KIF3B: variants seen among roughly 807,000 people sequenced by gnomAD.
The protein encoded by KIF3B is kinesin-like protein KIF3B.
In KIF3B, 38 loss-of-function variants were observed where a neutral mutation model predicts 74.3. That is an observed-to-expected ratio of 0.51 (90% CI 0.39 to 0.67). KIF3B has a LOEUF of 0.67. KIF3B is among the 30% of genes least tolerant of loss of function. The probability of loss-of-function intolerance (pLI) is 0.00; values close to 1 mark genes in which losing one functional copy is unlikely to be tolerated. For missense variants in KIF3B, 649 were observed against 932.0 expected, an observed-to-expected ratio of 0.70 and a Z score of 3.95; for synonymous variants, 326 against 342.5, an observed-to-expected ratio of 0.95 and a Z score of 0.53.
At chr20:32,328,757 T>C (rs2047916236) in intron 7 of KIF3B, among the ~76,000 whole-genome samples, 1 of 152,110 alleles carries the variant, frequency 6.6e-6, no homozygotes, top group Non-Finnish European at 1.5e-5. Context: ...GATGGACCTG[T>C]CGTAAAGAAC....
Position 32,330,201 on chromosome 20 carries a change from G to A in KIF3B, c.2029G>A (p.Gly677Ser). 6.2e-7 allele frequency: 1 copy of A among 1,614,126 alleles called. No individual in the cohort carries two copies. Among genetic ancestry groups the A allele is most frequent in the African/African-American group, 1.3e-5 (1 of 75,032 alleles). The change falls in exon 8 of 9, where the codon GGT (glycine) becomes AGT (serine). Residue 677 changes from glycine (G) to serine (S), a missense_variant. Coordinates refer to ENST00000375712, the MANE Select transcript of KIF3B (RefSeq NM_004798.4). The stretch of plus-strand genomic sequence containing the variant: ...CAGCCGGACCACCAGAGACTATGAG[G>A]GTCCAGCCATTGCCCCCAAGGTCCA... ...MPSRTTRDYE[G>S]PAIAPKVQAA...
At chr20:32,289,918 GTC>G (rs1396331483) in intron 1 of KIF3B, among the ~76,000 whole-genome samples, 1 of 152,136 alleles carries the variant, frequency 6.6e-6, no homozygotes. Context: ...CCCTGTCTAA[GTC>G]TCTGTTTTTT....
At position 32,316,667 on chromosome 20, in the gene KIF3B, C is replaced by T. The variant is rs767559376; in HGVS notation, c.1629+18C>T. 6.2e-7 allele frequency: 1 copy of T among 1,614,042 alleles called. No homozygotes were observed. Among genetic ancestry groups the T allele is most frequent in the South Asian group, 1.1e-5 (1 of 91,080 alleles). On this transcript the variant is annotated intron_variant, in intron 4 of 8. Transcript: ENST00000375712. ...TCAAAAAGGTATGAAAGGAATGAGGCCAGATGGAGTTGCCTTGAGACTTGG... is the reference window on the plus strand; with the variant it reads ...TCAAAAAGGTATGAAAGGAATGAGGTCAGATGGAGTTGCCTTGAGACTTGG...
intron 1 of KIF3B, among the ~76,000 whole-genome samples, chr20:32,280,365 T>G (rs562394212): frequency 1.2e-5 from 1 of 85,170 alleles, no homozygotes; most frequent in African/African-American, 9.0e-5. Flanking sequence ...AATGTTGATA[T>G]TTTTATACAG....
intron 5 of KIF3B, among the ~76,000 whole-genome samples, chr20:32,323,564 A>G (rs1314506667): frequency 6.6e-6 from 1 of 151,490 alleles, no homozygotes; most frequent in Non-Finnish European, 1.5e-5. Flanking sequence ...CACCACGCCC[A>G]GCCAATTCTT....
chr20:32,307,918 C>CA (rs574709198), intron 1 of KIF3B, among the ~76,000 whole-genome samples: 630 of 52,356 alleles, frequency 0.012, 5 homozygotes, highest in Middle Eastern at 0.022. Flanking sequence ...GACTCTGTCT[C>CA]AAAAAAAAAA....
intron 1 of KIF3B, among the ~76,000 whole-genome samples, chr20:32,288,507 T>C (rs2047677373): frequency 6.6e-6 from 1 of 152,126 alleles, no homozygotes. Context: ...AAAAATGAAC[T>C]TTATTTAGAT....
In KIF3B at chr20:32,277,709, G is replaced by GCCGCCC. The variant is rs2047622754; in HGVS notation, c.-117_-116insCCCGCC. Reference sequence around the variant, plus strand: ...GCTGAGCCAGGGGTTCGCCGCCCCCGCCGCCGCCGCCGCCGCCGCCGCCGC... The same window carrying GCCGCCC: ...GCTGAGCCAGGGGTTCGCCGCCCCCGCCGCCCCCGCCGCCGCCGCCGCCGCCGCCGC... On this transcript the variant is annotated 5_prime_UTR_variant, in exon 1 of 9. Transcript: ENST00000375712. 1 of 195,508 alleles carries GCCGCCC rather than the reference G, an allele frequency of 5.1e-6. No homozygotes were observed. The highest frequency in any genetic ancestry group is 1.0e-5 in the Non-Finnish European group (1 of 98,570). The allele number at this position is 195,508 out of a possible 1,614,324, so 12.1% of individuals were successfully genotyped here. A position where few individuals can be genotyped will look rare whatever the true frequency, so the allele number is the denominator to read the frequency against.
chr20:32,330,028 G>C (rs1426843987), intron 7 of KIF3B, 113 bp from the exon 8 acceptor site: 1 of 859,812 alleles, frequency 1.2e-6, no homozygotes, highest in Non-Finnish European at 1.7e-6. Flanking sequence ...TTTCTTGATA[G>C]GCCCTGAATA....
chr20:32,281,133 A>G (rs2122650836), intron 1 of KIF3B, among the ~76,000 whole-genome samples: 1 of 152,322 alleles, frequency 6.6e-6, no homozygotes, highest in East Asian at 1.9e-4. Context: ...TAAGGTGCCT[A>G]ATGGCTTACA....
intron 5 of KIF3B, among the ~76,000 whole-genome samples, chr20:32,322,639 T>C (rs1296821414): frequency 1.3e-5 from 1 of 78,862 alleles, no homozygotes; most frequent in Non-Finnish European, 2.4e-5. Context: ...TATATATATT[T>C]ATATATATAT....
intron 1 of KIF3B, among the ~76,000 whole-genome samples, chr20:32,296,933 G>A (rs896497732): frequency 1.3e-5 from 2 of 151,980 alleles, no homozygotes; most frequent in Non-Finnish European, 2.9e-5. Context: ...TGTGGTTCAG[G>A]GATTGCAAAC....
intron 1 of KIF3B, among the ~76,000 whole-genome samples, chr20:32,283,907 A>C (rs1242822996): frequency 6.6e-6 from 1 of 152,062 alleles, no homozygotes; most frequent in African/African-American, 2.4e-5. Flanking sequence ...TGCTGGGATT[A>C]CAGGCATGAG....
intron 1 of KIF3B, among the ~76,000 whole-genome samples, chr20:32,290,010 C>G (rs979559493): frequency 1.3e-5 from 2 of 152,096 alleles, no homozygotes; most frequent in Non-Finnish European, 2.9e-5. Flanking sequence ...AGTCCTCACA[C>G]GGCCCCAAGC....
rs1174180648 is a variant in KIF3B, at chr20:32,310,143, A to T, written c.366A>T (p.Ser122=). The change falls in exon 2 of 9, where the codon TCA becomes TCT. Residue 122 remains serine (S), a synonymous_variant. Coordinates refer to ENST00000375712, the MANE Select transcript of KIF3B (RefSeq NM_004798.4). This position sits in a 1 kb window ranked among gnomAD's most constrained non-coding sequence, Gnocchi z 6.5. ...DPEKRGVIPN[S]FDHIFTHISR... ...AAAAAAGAGGAGTCATTCCTAACTC[A>T]TTTGACCATATCTTCACCCACATCT... is the stretch of plus-strand genomic sequence containing the variant. The T allele has an allele frequency of 6.2e-7, 1 of 1,613,936 alleles. No homozygotes were observed. The highest frequency in any genetic ancestry group is 8.5e-7 in the Non-Finnish European group (1 of 1,179,842).
chr20:32,315,096 C>G (rs1314437423), intron 2 of KIF3B, among the ~76,000 whole-genome samples: 1 of 152,174 alleles, frequency 6.6e-6, no homozygotes, highest in Non-Finnish European at 1.5e-5. Flanking sequence ...AGGCCTAGAC[C>G]CCTGCAGTGG....
chr20:32,309,764 G>T lies in KIF3B; in HGVS notation c.-14G>T. ...ATTGACACTTCTCAAGATTTGACTG[G>T]ATCAGAGTTCATCATGTCAAAGTTG... On this transcript the variant is annotated 5_prime_UTR_variant, in exon 2 of 9. Transcript: ENST00000375712. 6.2e-7 allele frequency: 1 copy of T among 1,606,170 alleles called. No homozygotes were observed. The highest frequency in any genetic ancestry group is 1.1e-5 in the South Asian group (1 of 89,834).
At chr20:32,301,747 CTCTT>C (rs1275169454) in intron 1 of KIF3B, among the ~76,000 whole-genome samples, 3 of 152,156 alleles carry the variant, frequency 2.0e-5, no homozygotes, top group Non-Finnish European at 4.4e-5. Flanking sequence ...TGTGACCTCT[CTCTT>C]ACGCTTTCCA....
In KIF3B at chr20:32,310,133, T is replaced by C. The variant is rs746517348; in HGVS notation, c.356T>C (p.Ile119Thr). ...IRGDPEKRGV[I>T]PNSFDHIFTH... is the part of the protein sequence containing the mutation. ...GGTGACCCTGAAAAAAGAGGAGTCA[T>C]TCCTAACTCATTTGACCATATCTTC... is the stretch of plus-strand genomic sequence containing the variant. Residue 119 changes from isoleucine to threonine, a missense_variant, in exon 2 of 9, where the codon ATT (isoleucine) becomes ACT (threonine). By Grantham distance (89) the Ile-to-Thr change is moderately conservative. This residue lies in a region of KIF3B where 363 missense variants were observed against 592.8 expected (regional missense o/e 0.61). Coordinates refer to ENST00000375712, the MANE Select transcript of KIF3B (RefSeq NM_004798.4). The surrounding 1 kb of genome is among the most constrained non-coding windows in gnomAD (Gnocchi z 6.5). The C allele has an allele frequency of 1.2e-6, 2 of 1,614,064 alleles. No homozygotes were observed. Among genetic ancestry groups the C allele is most frequent in the South Asian group, 1.1e-5 (1 of 91,076 alleles).
Sources: gnomAD v4.1 joint callset for allele counts (sites outside exome capture counted in the v4.1 genomes callset) on GRCh38, gnomAD v4.1.1 for gene constraint, gnomAD v4.1.1 regional missense constraint, Gnocchi (gnomAD v3.1) non-coding constraint, MANE v1.5 for transcripts, NCBI Gene and HGNC (gene_info 2026-07-23, HGNC 2026-07-21) for gene names.